The following PHLDB2 variants were observed in gnomAD, a reference collection of about 807,000 sequenced individuals.
PHLDB2 encodes the protein pleckstrin homology like domain family B member 2, also known as pleckstrin homology-like domain family B member 2.
Under a neutral mutation model 123.6 loss-of-function variants are expected in PHLDB2, and 71 were observed. That is an observed-to-expected ratio of 0.57 (90% CI 0.47 to 0.70). The LOEUF is 0.70. Among genes scored for constraint, PHLDB2 ranks in the 30% least tolerant of loss-of-function variants. The probability of loss-of-function intolerance (pLI) is 0.00; values close to 1 mark genes in which losing one functional copy is unlikely to be tolerated. For synonymous variants in PHLDB2, 547 were observed against 541.6 expected (o/e 1.01, Z -0.14); for missense variants, 1,446 against 1,519.5 (o/e 0.95, Z 0.80).
intron 1 of PHLDB2, among the ~76,000 whole-genome samples, chr3:111,873,247 C>T (rs920194896): frequency 6.6e-6 from 1 of 152,202 alleles, no homozygotes; most frequent in South Asian, 2.1e-4. Context: ...GCCAACCAAT[C>T]TGCTTTGGTA....
At chr3:111,908,026 G>A (rs1042058684) in intron 2 of PHLDB2, among the ~76,000 whole-genome samples, 2 of 152,134 alleles carry the variant, frequency 1.3e-5, no homozygotes, top group Non-Finnish European at 2.9e-5. Context: ...CATCACATAA[G>A]CATTACTGAT....
chr3:111,953,796 C>G, intron 11 of PHLDB2, 134 bp from the exon 12 acceptor site: 1 of 644,708 alleles, frequency 1.6e-6, no homozygotes, highest in Non-Finnish European at 2.6e-6. Context: ...TTAGCATCAA[C>G]AAATGAAATG....
chr3:111,748,584 C>T (rs576726542), intron 1 of PHLDB2, among the ~76,000 whole-genome samples: 17 of 152,058 alleles, frequency 1.1e-4, no homozygotes, highest in Non-Finnish European at 2.1e-4. Context: ...TACAGTGGCG[C>T]GATCTCGGCT....
intron 1 of PHLDB2, among the ~76,000 whole-genome samples, chr3:111,876,646 G>A (rs1419298893): frequency 2.6e-5 from 4 of 151,964 alleles, no homozygotes; most frequent in African/African-American, 4.8e-5. Context: ...AGGTATACAC[G>A]TGCCATGGTG....
At chr3:111,852,955 A>G (rs1337621445) in intron 2 of PHLDB2, among the ~76,000 whole-genome samples, 2 of 152,218 alleles carry the variant, frequency 1.3e-5, no homozygotes, top group Non-Finnish European at 2.9e-5. Context: ...ATAAACCAGC[A>G]CATGGGGATA....
At chr3:111,760,334 T>C (rs2108009011) in intron 1 of PHLDB2, among the ~76,000 whole-genome samples, 1 of 152,326 alleles carries the variant, frequency 6.6e-6, no homozygotes, top group East Asian at 1.9e-4. Flanking sequence ...CAAAGATCCC[T>C]CAAACCAAAA....
intron 8 of PHLDB2, among the ~76,000 whole-genome samples, chr3:111,940,930 T>A (rs1006248110): frequency 6.6e-6 from 1 of 152,214 alleles, no homozygotes; most frequent in Non-Finnish European, 1.5e-5. Context: ...TCCTCTTTTT[T>A]AAAAAAGTCA....
At chr3:111,740,683 C>T (rs1421357990) in intron 1 of PHLDB2, among the ~76,000 whole-genome samples, 1 of 136,118 alleles carries the variant, frequency 7.3e-6, no homozygotes, top group Non-Finnish European at 1.5e-5. Context: ...TTAGAAGCCA[C>T]AAAACTAACA....
At chr3:111,924,417 T>G (rs2068700418) in intron 5 of PHLDB2, among the ~76,000 whole-genome samples, 1 of 152,238 alleles carries the variant, frequency 6.6e-6, no homozygotes, top group Non-Finnish European at 1.5e-5. Flanking sequence ...ACGAATATTG[T>G]TGTTGGATTT....
At chr3:111,939,924 G>A (rs1559913312) in intron 7 of PHLDB2, among the ~76,000 whole-genome samples, 1 of 152,112 alleles carries the variant, frequency 6.6e-6, no homozygotes, top group African/African-American at 2.4e-5. Context: ...ATAGTAACTG[G>A]GTTCAGAATA....
intron 1 of PHLDB2, among the ~76,000 whole-genome samples, chr3:111,799,402 A>G (rs2061297413): frequency 6.6e-6 from 1 of 152,260 alleles, no homozygotes; most frequent in East Asian, 1.9e-4. Flanking sequence ...AGAAAAAAGT[A>G]TTAGAAAAGA....
In PHLDB2 at chr3:111,913,917, G is replaced by A. The variant is rs868591709; in HGVS notation, c.1719+215G>A. ...GTAAAAATTGTAGCAGCACAGAAGA[G>A]TAGAAAGAAAGCACATTTCTCTTCT... On this transcript the variant is annotated intron_variant, in intron 3 of 17. Transcript: ENST00000431670. The A allele has an allele frequency of 2.9e-4, 173 of 588,068 alleles. 1 individual carries two copies. The Middle Eastern group carries it at 3.1e-3, about 11-fold the overall frequency. The allele number at this position is 588,068 out of a possible 1,614,324, so 36.4% of individuals were successfully genotyped here.
chr3:111,856,230 G>A (rs1057012001), upstream of PHLDB2, among the ~76,000 whole-genome samples: 4 of 152,210 alleles, frequency 2.6e-5, no homozygotes, highest in Non-Finnish European at 5.9e-5. Flanking sequence ...AGGGAGGCCA[G>A]TGAGGATTAC....
intron 1 of PHLDB2, among the ~76,000 whole-genome samples, chr3:111,819,824 A>C (rs2062281999): frequency 6.6e-6 from 1 of 152,230 alleles, no homozygotes; most frequent in Admixed American, 6.5e-5. Context: ...ACAAACAAAT[A>C]CCAATGGAAT....
chr3:111,861,994 A>G (rs1436061509), intron 1 of PHLDB2, among the ~76,000 whole-genome samples: 1 of 150,628 alleles, frequency 6.6e-6, no homozygotes, highest in Non-Finnish European at 1.5e-5. Flanking sequence ...GGCGCCTGCC[A>G]CCACACCTGG....
intron 1 of PHLDB2, among the ~76,000 whole-genome samples, chr3:111,831,418 T>C (rs1189171591): frequency 6.6e-6 from 1 of 150,444 alleles, no homozygotes; most frequent in Non-Finnish European, 1.5e-5. Context: ...AAAGTGGGTC[T>C]TCCCATGAGC....
chr3:111,875,650 C>T (rs1279032747), intron 1 of PHLDB2, among the ~76,000 whole-genome samples: 1 of 150,534 alleles, frequency 6.6e-6, no homozygotes. Context: ...TGGTGAAACC[C>T]CGTTTCTACT....
At chr3:111,800,130 T>C (rs540442179) in intron 1 of PHLDB2, among the ~76,000 whole-genome samples, 3 of 152,122 alleles carry the variant, frequency 2.0e-5, no homozygotes, top group Non-Finnish European at 4.4e-5. Context: ...TTCAACCTTC[T>C]GAGTAGCTAG....
intron 1 of PHLDB2, among the ~76,000 whole-genome samples, chr3:111,733,616 G>C (rs909719648): frequency 2.0e-5 from 3 of 152,200 alleles, no homozygotes; most frequent in African/African-American, 7.2e-5. Flanking sequence ...GGAGGTCTAT[G>C]GGGAAGAAGG....
Sources: gnomAD v4.1 joint callset for allele counts (sites outside exome capture counted in the v4.1 genomes callset) on GRCh38, gnomAD v4.1.1 for gene constraint, MANE v1.5 for transcripts, NCBI Gene and HGNC (gene_info 2026-07-23, HGNC 2026-07-21) for gene names.